Variants in SYTL3 observed in about 807,000 individuals in gnomAD.
SYTL3 encodes synaptotagmin like 3.
SYTL3 carries 88 observed loss-of-function variants against 82.1 expected under a neutral mutation model. That is an observed-to-expected ratio of 1.07 (90% CI 0.90 to 1.28). The LOEUF is 1.28. Ranked by LOEUF, SYTL3 falls within the 50% of genes most tolerant of loss-of-function variation. The pLI is 0.00. For missense variants in SYTL3, 831 were observed against 757.6 expected (o/e 1.10, Z -1.14); for synonymous variants, 311 against 289.4 (o/e 1.07, Z -0.76).
At chr6:158,705,440 A>G (rs1424656430) in intron 6 of SYTL3, among the ~76,000 whole-genome samples, 1 of 140,488 alleles carries the variant, frequency 7.1e-6, no homozygotes, top group African/African-American at 2.7e-5. Context: ...GGTAACACTG[A>G]GGGCCGTAAG....
upstream of SYTL3, among the ~76,000 whole-genome samples, chr6:158,646,233 A>G (rs776378431): frequency 2.6e-5 from 4 of 152,192 alleles, no homozygotes; most frequent in Non-Finnish European, 4.4e-5. Flanking sequence ...TTAGTCATCC[A>G]AAGACCACTA....
At chr6:158,715,105 G>A (rs753495273) in intron 9 of SYTL3, among the ~76,000 whole-genome samples, 4 of 152,056 alleles carry the variant, frequency 2.6e-5, no homozygotes, top group Non-Finnish European at 4.4e-5. Flanking sequence ...CAGCTGTCCC[G>A]GCTGCCTCTT....
At chr6:158,708,079 CTGAG>C (rs1310574547) in intron 7 of SYTL3, among the ~76,000 whole-genome samples, 1 of 152,120 alleles carries the variant, frequency 6.6e-6, no homozygotes, top group Admixed American at 6.5e-5. Flanking sequence ...GAACACATGA[CTGAG>C]TGGGGCGGAG....
At chr6:158,684,521 G>T (rs1285727802) in intron 6 of SYTL3, among the ~76,000 whole-genome samples, 1 of 152,152 alleles carries the variant, frequency 6.6e-6, no homozygotes, top group East Asian at 1.9e-4. Context: ...AGGTGCTGTG[G>T]GAACCACATC....
At chr6:158,707,130 A>AT in intron 6 of SYTL3, 100 bp from the exon 7 acceptor site, 1 of 1,213,018 alleles carries the variant, frequency 8.2e-7, no homozygotes, top group Admixed American at 1.8e-5. Flanking sequence ...ATCACAAGAA[A>AT]TGATACTAGA....
intron 5 of SYTL3, among the ~76,000 whole-genome samples, chr6:158,680,575 C>CA (rs71297002): frequency 0.11 from 8,398 of 78,158 alleles, 1,095 homozygotes; most frequent in African/African-American, 0.28. Flanking sequence ...CCCGTCTCTA[C>CA]AAAAAAAAAA....
At chr6:158,700,842 T>G (rs992015793) in intron 6 of SYTL3, among the ~76,000 whole-genome samples, 9 of 152,038 alleles carry the variant, frequency 5.9e-5, no homozygotes, top group Non-Finnish European at 1.0e-4. Flanking sequence ...GGTCTCGATC[T>G]CCTGACCTCA....
At chr6:158,682,421 G>A (rs1348306346) in intron 5 of SYTL3, among the ~76,000 whole-genome samples, 3 of 143,722 alleles carry the variant, frequency 2.1e-5, no homozygotes, top group Admixed American at 7.1e-5. Flanking sequence ...GTGCAGTGGC[G>A]AAATCTCAGC....
chr6:158,688,776 G>T (rs1779552007), intron 6 of SYTL3, among the ~76,000 whole-genome samples: 1 of 152,062 alleles, frequency 6.6e-6, no homozygotes, highest in South Asian at 2.1e-4. Flanking sequence ...TGTATGTGTG[G>T]ATATATGTGT....
At chr6:158,700,397 A>G (rs1455092474) in intron 6 of SYTL3, among the ~76,000 whole-genome samples, 3 of 151,866 alleles carry the variant, frequency 2.0e-5, no homozygotes, top group Non-Finnish European at 4.4e-5. Context: ...GATTACAGGT[A>G]TGAGCCACCA....
At chr6:158,746,479 A>C (rs1403769250) in intron 12 of SYTL3, among the ~76,000 whole-genome samples, 1 of 148,578 alleles carries the variant, frequency 6.7e-6, no homozygotes, top group African/African-American at 2.5e-5. Context: ...TATTATTATT[A>C]TTTTGAGGTG....
chr6:158,759,207 C>G (rs1562471990), intron 14 of SYTL3, among the ~76,000 whole-genome samples: 1 of 143,644 alleles, frequency 7.0e-6, no homozygotes, highest in Non-Finnish European at 1.5e-5. Context: ...GCAGGTGGCA[C>G]AGAGCTGCAG....
intron 6 of SYTL3, among the ~76,000 whole-genome samples, chr6:158,699,876 C>T (rs952818227): frequency 9.2e-5 from 14 of 151,652 alleles, no homozygotes; most frequent in Admixed American, 4.6e-4. Context: ...GAACCAGGGG[C>T]GCGAAGGTTG....
At chr6:158,669,346 T>C (rs1470177293) in intron 5 of SYTL3, among the ~76,000 whole-genome samples, 1 of 152,256 alleles carries the variant, frequency 6.6e-6, no homozygotes, top group South Asian at 2.1e-4. Flanking sequence ...TGTGATCTTC[T>C]TGTCATGCTT....
intron 10 of SYTL3, among the ~76,000 whole-genome samples, chr6:158,719,945 C>G (rs1007439018): frequency 6.6e-6 from 1 of 151,974 alleles, no homozygotes; most frequent in Admixed American, 6.6e-5. Context: ...AAATATTAGC[C>G]GGGTGTGGTG....
intron 2 of SYTL3, among the ~76,000 whole-genome samples, chr6:158,658,344 T>G (rs1020125619): frequency 6.6e-6 from 1 of 152,222 alleles, no homozygotes; most frequent in Non-Finnish European, 1.5e-5. Context: ...TTTGTCGCTG[T>G]GACAATCATA....
intron 5 of SYTL3, among the ~76,000 whole-genome samples, chr6:158,674,593 C>T (rs1276853939): frequency 6.6e-6 from 1 of 152,226 alleles, no homozygotes; most frequent in African/African-American, 2.4e-5. Flanking sequence ...CATCGCCCCT[C>T]TGTCGTGGTG....
At chr6:158,749,390 GAA>G (rs1167978441) in intron 12 of SYTL3, among the ~76,000 whole-genome samples, 20 of 52,140 alleles carry the variant, frequency 3.8e-4, no homozygotes, top group African/African-American at 9.9e-4. Context: ...GACTCTGTCT[GAA>G]AAAAAAAAAA....
intron 5 of SYTL3, among the ~76,000 whole-genome samples, chr6:158,682,297 A>C (rs573889115): frequency 2.0e-5 from 3 of 151,732 alleles, no homozygotes. Flanking sequence ...TTGTTCACAA[A>C]ATATTAAGTA....
Sources: gnomAD v4.1 joint callset for allele counts (sites outside exome capture counted in the v4.1 genomes callset) on GRCh38, gnomAD v4.1.1 for gene constraint, MANE v1.5 for transcripts, NCBI Gene and HGNC (gene_info 2026-07-23, HGNC 2026-07-21) for gene names.